ARHGAP15: variants seen among roughly 807,000 people sequenced by gnomAD.
ARHGAP15 encodes Rho GTPase activating protein 15, also known as rho GTPase-activating protein 15.
A neutral mutation model predicts 63.7 loss-of-function variants in ARHGAP15; 51 were observed. That is an observed-to-expected ratio of 0.80 (90% CI 0.64 to 1.01). The LOEUF is 1.01. Ranked by LOEUF, ARHGAP15 falls within the 50% of genes least tolerant of loss-of-function variation. The pLI is 0.00. For missense variants in ARHGAP15, 560 were observed against 564.6 expected (o/e 0.99, Z 0.08); for synonymous variants, 191 against 193.8 (o/e 0.99, Z 0.12).
At chr2:143,703,548 G>A (rs752779329) in intron 13 of ARHGAP15, 24 bp downstream of exon 13, 3 of 1,555,658 alleles carry the variant, frequency 1.9e-6, no homozygotes, top group Non-Finnish European at 2.6e-6. Context: ...ATTTCTGGAT[G>A]TGTCATTTTA....
chr2:143,214,372 T>C (rs1320322277), intron 3 of ARHGAP15, among the ~76,000 whole-genome samples: 1 of 152,176 alleles, frequency 6.6e-6, no homozygotes, highest in Non-Finnish European at 1.5e-5. Flanking sequence ...TAATTGCTAT[T>C]GAAAACATCT....
At chr2:143,572,697 G>GA (rs1334327367) in intron 11 of ARHGAP15, among the ~76,000 whole-genome samples, 1 of 152,128 alleles carries the variant, frequency 6.6e-6, no homozygotes, top group Non-Finnish European at 1.5e-5. Flanking sequence ...TCTGACTCAT[G>GA]AAACTCTTGT....
chr2:143,302,582 T>A (rs1307289582), intron 6 of ARHGAP15, among the ~76,000 whole-genome samples: 1 of 152,064 alleles, frequency 6.6e-6, no homozygotes, highest in African/African-American at 2.4e-5. Context: ...ATGAATTTTA[T>A]GACAAAAGTT....
At chr2:143,387,401 T>C (rs1242662541) in intron 6 of ARHGAP15, among the ~76,000 whole-genome samples, 2 of 152,210 alleles carry the variant, frequency 1.3e-5, no homozygotes, top group Non-Finnish European at 2.9e-5. Context: ...TTATATCTTA[T>C]CTTTGATGAG....
chr2:143,222,947 AAAGAT>A (rs893089538), intron 4 of ARHGAP15, among the ~76,000 whole-genome samples: 1 of 152,060 alleles, frequency 6.6e-6, no homozygotes, highest in African/African-American at 2.4e-5. Context: ...TTGTATGTCA[AAAGAT>A]AAGATAAATA....
chr2:143,247,502 C>T (rs768916855), intron 5 of ARHGAP15: 1 of 152,190 alleles, frequency 6.6e-6, no homozygotes, highest in Non-Finnish European at 1.5e-5. Flanking sequence ...AAGGATTCAG[C>T]ACAACAGATG....
At chr2:143,282,572 C>A (rs2105087473) in intron 6 of ARHGAP15, among the ~76,000 whole-genome samples, 1 of 152,168 alleles carries the variant, frequency 6.6e-6, no homozygotes, top group African/African-American at 2.4e-5. Flanking sequence ...ATTCAATTAC[C>A]TCTCACTGTT....
At chr2:143,515,567 T>G (rs1693779113) in intron 9 of ARHGAP15, among the ~76,000 whole-genome samples, 1 of 152,216 alleles carries the variant, frequency 6.6e-6, no homozygotes, top group Non-Finnish European at 1.5e-5. Context: ...GAAAAAAGAC[T>G]TCTTATATAT....
At chr2:143,196,256 T>C (rs190009019) in intron 2 of ARHGAP15, among the ~76,000 whole-genome samples, 2 of 152,010 alleles carry the variant, frequency 1.3e-5, no homozygotes, top group Admixed American at 1.3e-4. Context: ...AAAACACAGA[T>C]TTTCAGTAAT....
chr2:143,334,342 A>C (rs1433304611), intron 6 of ARHGAP15, among the ~76,000 whole-genome samples: 4 of 152,214 alleles, frequency 2.6e-5, no homozygotes, highest in Non-Finnish European at 4.4e-5. Context: ...GGAGTGTTCA[A>C]AAAGAGAATA....
intron 6 of ARHGAP15, among the ~76,000 whole-genome samples, chr2:143,381,674 C>T (rs1008810953): frequency 1.3e-4 from 20 of 152,098 alleles, no homozygotes; most frequent in African/African-American, 4.6e-4. Flanking sequence ...TTTACAGGCA[C>T]CCTCTCACTA....
At chr2:143,663,305 C>T (rs1681938305) in intron 12 of ARHGAP15, among the ~76,000 whole-genome samples, 3 of 151,518 alleles carry the variant, frequency 2.0e-5, no homozygotes, top group Non-Finnish European at 2.9e-5. Context: ...ATTTCATACC[C>T]AGCCAAACTA....
intron 6 of ARHGAP15, among the ~76,000 whole-genome samples, chr2:143,365,893 G>A (rs1686273760): frequency 6.6e-6 from 1 of 152,130 alleles, no homozygotes; most frequent in South Asian, 2.1e-4. Context: ...ACTTAATAGA[G>A]ATTAGCACCT....
chr2:143,271,765 C>G (rs903167821), intron 6 of ARHGAP15, among the ~76,000 whole-genome samples: 2 of 152,186 alleles, frequency 1.3e-5, no homozygotes, highest in East Asian at 1.9e-4. Flanking sequence ...CATGAGCCAC[C>G]GTGCCCGGCC....
chr2:143,503,013 C>T (rs1431708567), intron 9 of ARHGAP15, among the ~76,000 whole-genome samples: 3 of 152,192 alleles, frequency 2.0e-5, no homozygotes, highest in African/African-American at 7.2e-5. Flanking sequence ...AGAGAGTCTG[C>T]GCTAACCAAC....
At chr2:143,568,414 T>C (rs1696321654) in intron 11 of ARHGAP15, among the ~76,000 whole-genome samples, 2 of 152,106 alleles carry the variant, frequency 1.3e-5, no homozygotes. Context: ...TATGAAAAAA[T>C]GCTCATCATC....
intron 2 of ARHGAP15, among the ~76,000 whole-genome samples, chr2:143,183,650 G>A (rs1368652550): frequency 6.6e-6 from 1 of 151,816 alleles, no homozygotes; most frequent in East Asian, 1.9e-4. Flanking sequence ...TGTGAGAATA[G>A]GACACTCTAA....
rs372938588 is a variant in ARHGAP15 at position 143,415,065 on chromosome 2, A to G, written c.475-20536A>G. Among the ~76,000 whole-genome samples the G allele has an allele frequency of 5.9e-5, 9 of 152,344 alleles. No individual in the cohort carries two copies. The East Asian group carries it at 9.6e-4, about 16-fold the overall frequency. On this transcript the variant is annotated intron_variant, in intron 6 of 13. Coordinates refer to ENST00000295095, the MANE Select transcript of ARHGAP15 (RefSeq NM_018460.4). The stretch of plus-strand genomic sequence containing the variant: ...TGATGATGGTAGGATTTCAAAATAC[A>G]ATATTAGTAACCAAATCTTGTTGAC...
At chr2:143,348,134 AG>A (rs1432953770) in intron 6 of ARHGAP15, among the ~76,000 whole-genome samples, 2 of 152,158 alleles carry the variant, frequency 1.3e-5, no homozygotes, top group Non-Finnish European at 2.9e-5. Flanking sequence ...TGGGGCACTA[AG>A]GTCATATGTC....
Sources: allele counts gnomAD v4.1 joint callset (sites outside exome capture counted in the v4.1 genomes callset), GRCh38; gene constraint gnomAD v4.1.1; transcripts MANE v1.5; gene names NCBI Gene and HGNC (gene_info 2026-07-23, HGNC 2026-07-21).